The following PAK5 variants were observed in gnomAD, a reference collection of about 807,000 sequenced individuals.
PAK5 encodes the protein p21 (RAC1) activated kinase 5.
A neutral mutation model predicts 65.9 loss-of-function variants in PAK5; 16 were observed. The ratio of observed to expected loss-of-function variants is 0.24; its 90% CI spans 0.16 to 0.37. The LOEUF (loss-of-function observed/expected upper bound fraction) is 0.37, where lower values mean the gene tolerates loss of function less well. Ranked by LOEUF, PAK5 falls within the 10% of genes least tolerant of loss-of-function variation. The pLI, the probability that PAK5 is intolerant of heterozygous loss-of-function variation, is 1.00. For synonymous variants in PAK5, 371 were observed against 354.9 expected (o/e 1.05, Z -0.51); for missense variants, 785 against 903.9 (o/e 0.87, Z 1.69).
intron 1 of PAK5, among the ~76,000 whole-genome samples, chr20:9,756,787 A>G (rs2048639212): frequency 6.6e-6 from 1 of 152,130 alleles, no homozygotes; most frequent in Non-Finnish European, 1.5e-5. Flanking sequence ...GAACTAAGGC[A>G]TGTCCTCTCT....
At chr20:9,714,148 A>G (rs749276093) in intron 1 of PAK5, among the ~76,000 whole-genome samples, 6 of 152,126 alleles carry the variant, frequency 3.9e-5, no homozygotes, top group Non-Finnish European at 8.8e-5. Flanking sequence ...TGACATATCT[A>G]TAAAAAATGA....
At chr20:9,602,737 G>A (rs2046383690) in intron 3 of PAK5, among the ~76,000 whole-genome samples, 1 of 152,164 alleles carries the variant, frequency 6.6e-6, no homozygotes, top group African/African-American at 2.4e-5. Context: ...AACACAGAAA[G>A]GATCCTCTTC....
chr20:9,552,464 A>G (rs1342014078), intron 7 of PAK5, among the ~76,000 whole-genome samples: 1 of 152,174 alleles, frequency 6.6e-6, no homozygotes, highest in African/African-American at 2.4e-5. Context: ...CACACATTAC[A>G]TTATTCATTC....
chr20:9,610,664 C>T (rs1280317149), intron 3 of PAK5, among the ~76,000 whole-genome samples: 2 of 152,150 alleles, frequency 1.3e-5, no homozygotes, highest in African/African-American at 4.8e-5. Flanking sequence ...TACATAGATG[C>T]GCTTGGATTT....
At chr20:9,726,541 G>A (rs1368187466) in intron 1 of PAK5, among the ~76,000 whole-genome samples, 1 of 152,124 alleles carries the variant, frequency 6.6e-6, no homozygotes, top group African/African-American at 2.4e-5. Flanking sequence ...TGAAAATGAT[G>A]TTAACTAAAT....
chr20:9,564,368 A>G (rs2045639315), intron 5 of PAK5, among the ~76,000 whole-genome samples: 1 of 152,250 alleles, frequency 6.6e-6, no homozygotes, highest in African/African-American at 2.4e-5. Flanking sequence ...TAGCTCCTAC[A>G]CATCAATAAA....
At chr20:9,710,651 A>G (rs184482175) in intron 2 of PAK5, among the ~76,000 whole-genome samples, 28 of 152,276 alleles carry the variant, frequency 1.8e-4, no homozygotes, top group African/African-American at 6.0e-4. Flanking sequence ...ACCCCCACAC[A>G]TACTAATTGG....
At chr20:9,770,045 T>C (rs2048815593) in intron 1 of PAK5, among the ~76,000 whole-genome samples, 1 of 152,106 alleles carries the variant, frequency 6.6e-6, no homozygotes, top group Non-Finnish European at 1.5e-5. Context: ...TCAAAAGAGT[T>C]TCTTTTTTAG....
intron 2 of PAK5, among the ~76,000 whole-genome samples, chr20:9,695,285 C>T (rs940791409): frequency 3.3e-5 from 5 of 152,004 alleles, no homozygotes; most frequent in African/African-American, 7.2e-5. Flanking sequence ...GTCGAACAAA[C>T]GTACTGAAAT....
At chr20:9,674,267 T>C (rs1284000911) in intron 2 of PAK5, among the ~76,000 whole-genome samples, 1 of 151,252 alleles carries the variant, frequency 6.6e-6, no homozygotes, top group Non-Finnish European at 1.5e-5. Flanking sequence ...CACCCTTTTT[T>C]TTTCCTGAGC....
chr20:9,700,624 C>G (rs1030075194), intron 2 of PAK5, among the ~76,000 whole-genome samples: 2 of 152,080 alleles, frequency 1.3e-5, no homozygotes, highest in Admixed American at 1.3e-4. Flanking sequence ...GATAAAGTAT[C>G]CACTAGGCTG....
chr20:9,617,549 CTT>C (rs532259417), intron 3 of PAK5, among the ~76,000 whole-genome samples: 159 of 94,590 alleles, frequency 1.7e-3, no homozygotes, highest in South Asian at 5.3e-3. Flanking sequence ...AATCCCAATC[CTT>C]TTTTTTTTTT....
intron 1 of PAK5, among the ~76,000 whole-genome samples, chr20:9,738,623 A>G (rs778243133): frequency 4.6e-5 from 7 of 152,326 alleles, no homozygotes; most frequent in South Asian, 4.1e-4. Flanking sequence ...CTTAACATAC[A>G]GTGTCAGAAA....
At chr20:9,812,199 C>T (rs1379939110) in intron 1 of PAK5, among the ~76,000 whole-genome samples, 1 of 151,932 alleles carries the variant, frequency 6.6e-6, no homozygotes, top group Admixed American at 6.6e-5. Context: ...AAATGTCAAG[C>T]CACAGTCTGG....
At chr20:9,726,934 G>A (rs571105739) in intron 1 of PAK5, among the ~76,000 whole-genome samples, 1 of 152,264 alleles carries the variant, frequency 6.6e-6, no homozygotes, top group South Asian at 2.1e-4. Context: ...TAGTAAAAGT[G>A]GAAGTTATGA....
chr20:9,571,312 C>G (rs936658470), intron 4 of PAK5, among the ~76,000 whole-genome samples: 1 of 152,150 alleles, frequency 6.6e-6, no homozygotes, highest in East Asian at 1.9e-4. Context: ...CATGATGGTG[C>G]GTATCACCAG....
intron 3 of PAK5, among the ~76,000 whole-genome samples, chr20:9,590,614 T>A (rs2046152176): frequency 8.0e-6 from 1 of 124,352 alleles, no homozygotes; most frequent in African/African-American, 3.9e-5. Context: ...ATTCATGGGC[T>A]GTGCCAAAAA....
At chr20:9,574,687 T>C (rs1310382568) in intron 4 of PAK5, among the ~76,000 whole-genome samples, 2 of 152,204 alleles carry the variant, frequency 1.3e-5, no homozygotes, top group African/African-American at 4.8e-5. Flanking sequence ...TGTCCATTCA[T>C]ATGCAAAGGA....
At chr20:9,728,228 G>T (rs1234119332) in intron 1 of PAK5, among the ~76,000 whole-genome samples, 1 of 151,904 alleles carries the variant, frequency 6.6e-6, no homozygotes, top group Non-Finnish European at 1.5e-5. Context: ...GATGAGGAAG[G>T]ATCCTCCACC....
Sources: allele counts gnomAD v4.1 joint callset (sites outside exome capture counted in the v4.1 genomes callset), GRCh38; gene constraint gnomAD v4.1.1; transcripts MANE v1.5; gene names NCBI Gene and HGNC (gene_info 2026-07-23, HGNC 2026-07-21).